EPB41L4B: variants seen among roughly 807,000 people sequenced by gnomAD.
EPB41L4B encodes band 4.1-like protein 4B.
In EPB41L4B, 30 loss-of-function variants were observed where a neutral mutation model predicts 112.5. The ratio of observed to expected loss-of-function variants is 0.27; its 90% CI spans 0.20 to 0.36. The LOEUF is 0.36. EPB41L4B is among the 10% of genes least tolerant of loss of function. The pLI is 1.00. For synonymous variants in EPB41L4B, 408 were observed against 439.7 expected, an observed-to-expected ratio of 0.93 and a Z score of 0.90; for missense variants, 1,024 against 1,133.3, an observed-to-expected ratio of 0.90 and a Z score of 1.38.
At chr9:109,286,213 A>G (rs557168626) in intron 1 of EPB41L4B, among the ~76,000 whole-genome samples, 2 of 148,732 alleles carry the variant, frequency 1.3e-5, no homozygotes, top group Non-Finnish European at 2.9e-5. Flanking sequence ...GGATGGATGG[A>G]TGGATGGGTG....
rs368845422 is a variant in EPB41L4B at position 109,254,380 on chromosome 9, C to A, written c.1170-830G>T. Among the ~76,000 whole-genome samples, 31 of 152,020 alleles carry A rather than the reference C, an allele frequency of 2.0e-4. No individual in the cohort carries two copies. In the East Asian group the frequency reaches 5.4e-3, roughly 27 times the overall value. ...TTTCTCAAAAAGAGCTTGGTCTTCC[C>A]CCCACCCCGCCCCCGACCCCTTGGA... On this transcript the variant is annotated intron_variant, in intron 11 of 25. Transcript: ENST00000374566.
intron 17 of EPB41L4B, among the ~76,000 whole-genome samples, chr9:109,211,390 T>C (rs1341750863): frequency 6.6e-6 from 1 of 150,694 alleles, no homozygotes; most frequent in African/African-American, 2.4e-5. Flanking sequence ...AGGCCAGGAG[T>C]TCAAGACCAG....
chr9:109,260,929 C>T (rs28569236), intron 6 of EPB41L4B, among the ~76,000 whole-genome samples: 1,602 of 152,248 alleles, frequency 0.011, 32 homozygotes, highest in African/African-American at 0.037. Flanking sequence ...TTCAGGACAA[C>T]GTACAAGCTT....
chr9:109,223,470 A>G (rs1210005142), intron 15 of EPB41L4B, among the ~76,000 whole-genome samples: 1 of 152,000 alleles, frequency 6.6e-6, no homozygotes, highest in Non-Finnish European at 1.5e-5. Flanking sequence ...ATATTGCATA[A>G]TGGTATCCTC....
Position 109,216,912 on chromosome 9 carries a change from C to G in EPB41L4B, c.1633+10G>C, listed in dbSNP as rs1833391587. On this transcript the variant is annotated intron_variant, in intron 16 of 25. Coordinates refer to ENST00000374566, the MANE Select transcript of EPB41L4B (RefSeq NM_019114.5). ...CCTTCTCCTGCCTTGCCCCCTCCACCCCTACTCACTTGTAAGGGACTTGCT... is the reference window on the plus strand; with the variant it reads ...CCTTCTCCTGCCTTGCCCCCTCCACGCCTACTCACTTGTAAGGGACTTGCT... 6.2e-7 allele frequency: 1 copy of G among 1,613,714 alleles called. No individual in the cohort carries two copies. Among genetic ancestry groups the G allele is most frequent in the East Asian group, 2.2e-5 (1 of 44,884 alleles).
intron 6 of EPB41L4B, among the ~76,000 whole-genome samples, chr9:109,259,528 G>A (rs1163543279): frequency 3.3e-5 from 5 of 152,178 alleles, no homozygotes; most frequent in Non-Finnish European, 7.3e-5. Flanking sequence ...CTCAGCTCTA[G>A]GAGGCCGTGG....
At position 109,172,006 on chromosome 9, in the gene EPB41L4B, A is replaced by T. The variant is rs1831649480; in HGVS notation, c.*2548T>A. The T allele has an allele frequency of 6.6e-6, 1 of 152,236 alleles. No homozygotes were observed. The highest frequency in any genetic ancestry group is 2.4e-5 in the African/African-American group (1 of 41,454). The allele number at this position is 152,236 out of a possible 1,614,324, so 9.4% of individuals were successfully genotyped here. A position where few individuals can be genotyped will look rare whatever the true frequency, so the allele number is the denominator to read the frequency against. ...ATGGAATCCTCTTATTTTACTGGTTAGAGGTGAGCTGCCAAAGGTACTGGG... is the reference window on the plus strand; with the variant it reads ...ATGGAATCCTCTTATTTTACTGGTTTGAGGTGAGCTGCCAAAGGTACTGGG... On this transcript the variant is annotated 3_prime_UTR_variant, in exon 26 of 26. Coordinates refer to ENST00000374566, the MANE Select transcript of EPB41L4B (RefSeq NM_019114.5).
intron 15 of EPB41L4B, among the ~76,000 whole-genome samples, chr9:109,235,241 G>C (rs182891741): frequency 6.6e-6 from 1 of 152,080 alleles, no homozygotes; most frequent in East Asian, 1.9e-4. Context: ...CTCTGAGTTT[G>C]TTAGTTTCAA....
intron 18 of EPB41L4B, among the ~76,000 whole-genome samples, chr9:109,205,695 T>A (rs1832970352): frequency 6.6e-6 from 1 of 152,212 alleles, no homozygotes; most frequent in East Asian, 1.9e-4. Context: ...ACGCCACAAC[T>A]GTGACCACTG....
chr9:109,284,419 T>TG (rs1836190837), intron 1 of EPB41L4B, among the ~76,000 whole-genome samples: 1 of 152,120 alleles, frequency 6.6e-6, no homozygotes, highest in Non-Finnish European at 1.5e-5. Flanking sequence ...TTCCCAAGTT[T>TG]TTTGTTTGTT....
Position 109,176,649 on chromosome 9 carries a change from G to A in EPB41L4B, c.2535C>T (p.Ser845=), listed in dbSNP as rs747053150. The A allele has an allele frequency of 6.2e-7, 1 of 1,614,058 alleles. No individual in the cohort carries two copies. Among genetic ancestry groups the A allele is most frequent in the Non-Finnish European group, 8.5e-7 (1 of 1,179,972 alleles). Residue 845 remains serine (S), a synonymous_variant, in exon 25 of 26, where the codon TCC becomes TCT. Coordinates refer to ENST00000374566, the MANE Select transcript of EPB41L4B (RefSeq NM_019114.5). ...TCAGGGTCGCTGCTGGGATCAGCGG[G>A]GAAGTCGGGCCAGGACAGCACTGTA... The part of the protein sequence containing the change: ...SKLQCCPGPT[S]PLIPAATLRP...
At chr9:109,250,058 C>T (rs1834723808) in intron 13 of EPB41L4B, among the ~76,000 whole-genome samples, 1 of 152,130 alleles carries the variant, frequency 6.6e-6, no homozygotes, top group South Asian at 2.1e-4. Context: ...ACTGGCCTCT[C>T]CCTCCCCACT....
chr9:109,282,124 G>A (rs1836087708), intron 1 of EPB41L4B, among the ~76,000 whole-genome samples: 1 of 152,146 alleles, frequency 6.6e-6, no homozygotes. Flanking sequence ...TATGCTAAGT[G>A]AAAAAAGCCA....
intron 1 of EPB41L4B, among the ~76,000 whole-genome samples, chr9:109,294,453 A>G (rs1302197095): frequency 6.6e-6 from 1 of 152,078 alleles, no homozygotes; most frequent in Non-Finnish European, 1.5e-5. Flanking sequence ...GATCTCTACT[A>G]AAAATAAGAA....
In EPB41L4B at chr9:109,175,019, C is replaced by T. The variant is rs567931365; in HGVS notation, c.2634-396G>A. On this transcript the variant is annotated intron_variant, in intron 25 of 25. Transcript: ENST00000374566. ...GCAACCTCCACCTCCCAGGTTCAAG[C>T]GATTCTTCTGTCTCAGCCTCCAGCA... 1.8e-4 allele frequency among the ~76,000 whole-genome samples: 27 copies of T among 149,676 alleles called. No homozygotes were observed. In the East Asian group the frequency reaches 4.8e-3, roughly 27 times the overall value.
intron 5 of EPB41L4B, among the ~76,000 whole-genome samples, chr9:109,264,518 C>A (rs558858002): frequency 6.6e-6 from 1 of 152,118 alleles, no homozygotes; most frequent in East Asian, 1.9e-4. Flanking sequence ...TATTTCAAAG[C>A]CATTTTTAAG....
Position 109,283,844 on chromosome 9 carries a change from T to A in EPB41L4B, c.307-3923A>T, listed in dbSNP as rs528994909. ...GCTCATGCCTCTAATTCCAGTACTT[T>A]GGGAGGCTTAGGCTGGAGGATTGCT... is the stretch of plus-strand genomic sequence containing the variant. On this transcript the variant is annotated intron_variant, in intron 1 of 25. Coordinates refer to ENST00000374566, the MANE Select transcript of EPB41L4B (RefSeq NM_019114.5). Among the ~76,000 whole-genome samples the A allele has an allele frequency of 2.0e-5, 3 of 151,946 alleles. No homozygotes were observed. The East Asian group carries it at 5.8e-4, about 29-fold the overall frequency.
intron 15 of EPB41L4B, chr9:109,241,414 T>C: frequency 8.1e-7 from 1 of 1,239,364 alleles, no homozygotes; most frequent in Non-Finnish European, 1.0e-6. Flanking sequence ...TGACTCCAAT[T>C]TTAAAATCAG....
At chr9:109,310,349 G>C (rs1216193769) in intron 1 of EPB41L4B, among the ~76,000 whole-genome samples, 1 of 152,222 alleles carries the variant, frequency 6.6e-6, no homozygotes, top group South Asian at 2.1e-4. Flanking sequence ...TCAGGAGGGA[G>C]GGAGGGAGGG....
Sources: gnomAD v4.1 joint callset for allele counts (sites outside exome capture counted in the v4.1 genomes callset) on GRCh38, gnomAD v4.1.1 for gene constraint, MANE v1.5 for transcripts, NCBI Gene and HGNC (gene_info 2026-07-23, HGNC 2026-07-21) for gene names.